PTPRN2: variants seen among roughly 807,000 people sequenced by gnomAD.
PTPRN2 encodes receptor-type tyrosine-protein phosphatase N2.
In PTPRN2, 74 loss-of-function variants were observed where a neutral mutation model predicts 118.8. The observed-to-expected ratio is 0.62, with a 90% confidence interval of 0.52 to 0.76. PTPRN2 has a LOEUF of 0.76. PTPRN2 is among the 30% of genes least tolerant of loss of function. PTPRN2 has a pLI of 0.00. For synonymous variants in PTPRN2, 641 were observed against 608.0 expected (o/e 1.05, Z -0.80); for missense variants, 1,481 against 1,394.4 (o/e 1.06, Z -0.99).
intron 12 of PTPRN2, among the ~76,000 whole-genome samples, chr7:157,730,382 A>G (rs1378319020): frequency 6.6e-6 from 1 of 152,342 alleles, no homozygotes; most frequent in East Asian, 1.9e-4. Context: ...GAGGAGCCAA[A>G]ACAGAGGAGG....
At chr7:158,303,089 A>G (rs1489343263) in intron 3 of PTPRN2, among the ~76,000 whole-genome samples, 1 of 152,198 alleles carries the variant, frequency 6.6e-6, no homozygotes, top group African/African-American at 2.4e-5. Flanking sequence ...TTTATTTTAA[A>G]GTGAATTAAT....
At chr7:158,190,723 C>T (rs575171345) in intron 5 of PTPRN2, among the ~76,000 whole-genome samples, 1 of 152,264 alleles carries the variant, frequency 6.6e-6, no homozygotes, top group Non-Finnish European at 1.5e-5. Flanking sequence ...CCACTGGGCC[C>T]TCCTGAGCAG....
chr7:158,430,565 G>C (rs937188516), intron 2 of PTPRN2, among the ~76,000 whole-genome samples: 2 of 152,252 alleles, frequency 1.3e-5, no homozygotes, highest in Non-Finnish European at 2.9e-5. Flanking sequence ...CTGCATGGGA[G>C]TGCATTGCTT....
intron 19 of PTPRN2, among the ~76,000 whole-genome samples, chr7:157,572,897 T>C (rs961717710): frequency 6.6e-6 from 1 of 151,886 alleles, no homozygotes; most frequent in African/African-American, 2.4e-5. Flanking sequence ...CTGTTAGAGG[T>C]GTTTGTTGTT....
At chr7:157,747,271 G>A (rs1428001640) in intron 12 of PTPRN2, among the ~76,000 whole-genome samples, 4 of 114,426 alleles carry the variant, frequency 3.5e-5, no homozygotes, top group East Asian at 6.5e-4. Context: ...TGGGGTGTCC[G>A]GGTGATTCTG....
rs1201603745 is a variant in PTPRN2 at position 157,998,374 on chromosome 7, C to A, written c.1723+82924G>T. Reference sequence around the variant, plus strand: ...CAGGGCTGGCCCGGAGGCTCCTGGGCTCTGACCACGCCATCCATCCGCTGA... The same window carrying A: ...CAGGGCTGGCCCGGAGGCTCCTGGGATCTGACCACGCCATCCATCCGCTGA... On this transcript the variant is annotated intron_variant, in intron 11 of 22. Transcript: ENST00000389418. 3.9e-5 allele frequency among the ~76,000 whole-genome samples: 6 copies of A among 152,300 alleles called. 1 individual carries two copies. In the East Asian group the frequency reaches 7.7e-4, roughly 20 times the overall value.
chr7:157,588,977 A>AT (rs1234852527), intron 17 of PTPRN2, among the ~76,000 whole-genome samples: 3 of 152,060 alleles, frequency 2.0e-5, no homozygotes, highest in Non-Finnish European at 4.4e-5. Flanking sequence ...CTAACATATA[A>AT]TTTACCGTTT....
chr7:157,792,234 C>T (rs140842582), intron 12 of PTPRN2, among the ~76,000 whole-genome samples: 165 of 152,378 alleles, frequency 1.1e-3, no homozygotes, highest in African/African-American at 3.7e-3. Context: ...ACCTGCAGCC[C>T]GCACTGAGCC....
intron 12 of PTPRN2, among the ~76,000 whole-genome samples, chr7:157,880,905 A>T (rs1796072129): frequency 6.6e-6 from 1 of 152,236 alleles, no homozygotes; most frequent in Non-Finnish European, 1.5e-5. Flanking sequence ...TATCTTTTGG[A>T]ACAAATGATA....
At position 157,858,108 on chromosome 7, in the gene PTPRN2, AGCCTCCC is replaced by A. The variant is rs1376144565; in HGVS notation, c.1788+40558_1788+40564del. Among the ~76,000 whole-genome samples the A allele has an allele frequency of 3.1e-3, 302 of 97,216 alleles. 3 individuals carry two copies. Among genetic ancestry groups the A allele is most frequent in the African/African-American group, 4.6e-3 (108 of 23,414 alleles). The allele number at this position is 97,216 out of a possible 152,430, so 63.8% of individuals were successfully genotyped here. A position where few individuals can be genotyped will look rare whatever the true frequency, so the allele number is the denominator to read the frequency against. ...TCACCACCCACACTCCTGCAGGGAGAGCCTCCCAGCCACCACCCACACTCCTGCAGGG... is the reference window on the plus strand; with the variant it reads ...TCACCACCCACACTCCTGCAGGGAGAAGCCACCACCCACACTCCTGCAGGG... On this transcript the variant is annotated intron_variant, in intron 12 of 22. Coordinates refer to ENST00000389418, the MANE Select transcript of PTPRN2 (RefSeq NM_002847.5).
At chr7:158,034,512 A>G (rs1386955638) in intron 11 of PTPRN2, among the ~76,000 whole-genome samples, 1 of 152,064 alleles carries the variant, frequency 6.6e-6, no homozygotes, top group Non-Finnish European at 1.5e-5. Flanking sequence ...CCATCCATGT[A>G]AGACGGGACT....
rs1463260891 is a variant in PTPRN2, at chr7:157,618,223, GA to G, written c.2344+3138del. On this transcript the variant is annotated intron_variant, in intron 15 of 22. Transcript: ENST00000389418. The surrounding 1 kb of genome is among the most constrained non-coding windows in gnomAD (Gnocchi z 4.2). ...GGGGAAGGCGGGGCATGAGAGAAGG[GA>G]GGGGTGGTCCCGAGGACCCTTTCCA... 6.6e-6 allele frequency: 1 copy of G among 152,282 alleles called. No individual in the cohort carries two copies. Among genetic ancestry groups the G allele is most frequent in the African/African-American group, 2.4e-5 (1 of 41,470 alleles). 9.4% of individuals were successfully genotyped at this position (152,282 alleles called of 1,614,324 possible).
chr7:158,379,429 A>C (rs1192890946), intron 2 of PTPRN2, among the ~76,000 whole-genome samples: 2 of 152,212 alleles, frequency 1.3e-5, no homozygotes, highest in African/African-American at 2.4e-5. Flanking sequence ...AAAGAGCCAC[A>C]CTAATTACAC....
intron 13 of PTPRN2, among the ~76,000 whole-genome samples, chr7:157,665,142 A>G (rs1796074126): frequency 6.6e-6 from 1 of 152,252 alleles, no homozygotes; most frequent in African/African-American, 2.4e-5. Flanking sequence ...TTTGGCAAAC[A>G]GATCTTGGCC....
chr7:158,185,061 G>A (rs189543612), intron 5 of PTPRN2, among the ~76,000 whole-genome samples: 4 of 152,226 alleles, frequency 2.6e-5, no homozygotes, highest in Non-Finnish European at 4.4e-5. Context: ...TTAAATGTTC[G>A]ATATACCCTG....
chr7:158,446,245 G>C (rs932829107), intron 2 of PTPRN2, among the ~76,000 whole-genome samples: 7 of 152,230 alleles, frequency 4.6e-5, no homozygotes, highest in Non-Finnish European at 8.8e-5. Context: ...GAATGTGTGA[G>C]AGACAGAGAA....
At chr7:158,409,469 G>T (rs1813856314) in intron 2 of PTPRN2, among the ~76,000 whole-genome samples, 1 of 152,252 alleles carries the variant, frequency 6.6e-6, no homozygotes, top group Admixed American at 6.5e-5. Context: ...AGGAAGGAAA[G>T]AGTGGCTGCT....
chr7:157,550,020 C>A lies in PTPRN2; in HGVS notation c.2903-1001G>T, dbSNP rs186056134. ...GGAAGAAGCCGCAGCCATTGGAACC[C>A]CAACTACCGTGGGCAGGACAGCGCT... On this transcript the variant is annotated intron_variant, in intron 21 of 22. Transcript: ENST00000389418. The surrounding 1 kb of genome is among the most constrained non-coding windows in gnomAD (Gnocchi z 5.2). 6.6e-6 allele frequency among the ~76,000 whole-genome samples: 1 copy of A among 152,352 alleles called. No homozygotes were observed. The highest frequency in any genetic ancestry group is 1.5e-5 in the Non-Finnish European group (1 of 68,030).
At chr7:157,656,589 C>A in intron 13 of PTPRN2, 38 bp from the exon 14 acceptor site, 1 of 1,474,360 alleles carries the variant, frequency 6.8e-7, no homozygotes, top group Non-Finnish European at 9.1e-7. Context: ...GGGTTAGTGG[C>A]ATTGGGGACA....
Sources: gnomAD v4.1 joint callset for allele counts (sites outside exome capture counted in the v4.1 genomes callset) on GRCh38, gnomAD v4.1.1 for gene constraint, Gnocchi (gnomAD v3.1) non-coding constraint, MANE v1.5 for transcripts, NCBI Gene and HGNC (gene_info 2026-07-23, HGNC 2026-07-21) for gene names.